The following BMP6 variants were observed in gnomAD, a reference collection of about 807,000 sequenced individuals.
The protein encoded by BMP6 is VG-1-R.
A neutral mutation model predicts 54.1 loss-of-function variants in BMP6; 17 were observed. The observed-to-expected ratio is 0.31, with a 90% CI of 0.22 to 0.47. The LOEUF (loss-of-function observed/expected upper bound fraction) is 0.47, where lower values mean the gene tolerates loss of function less well. Ranked by LOEUF, BMP6 falls within the 20% of genes least tolerant of loss-of-function variation. The probability of loss-of-function intolerance (pLI) is 1.00; values close to 1 mark genes in which losing one functional copy is unlikely to be tolerated. For synonymous variants in BMP6, 328 were observed against 291.2 expected, an observed-to-expected ratio of 1.13 and a Z score of -1.28; for missense variants, 720 against 690.4, an observed-to-expected ratio of 1.04 and a Z score of -0.48.
intron 4 of BMP6, among the ~76,000 whole-genome samples, chr6:7,869,776 G>A (rs915699310): frequency 6.6e-6 from 1 of 152,164 alleles, no homozygotes; most frequent in Admixed American, 6.5e-5. Flanking sequence ...CCAAGGCCTA[G>A]CAACTGAGAT....
chr6:7,850,713 G>A lies in BMP6; in HGVS notation c.857+5381G>A, dbSNP rs913293267. Among the ~76,000 whole-genome samples, 9 of 152,170 alleles carry A rather than the reference G, an allele frequency of 5.9e-5. No homozygotes were observed. In the South Asian group the frequency reaches 1.0e-3, roughly 17 times the overall value. On this transcript the variant is annotated intron_variant, in intron 2 of 6. Transcript: ENST00000283147. Reference sequence around the variant, plus strand: ...GTTCAGATTTGCACGTTTGAGTCATGGTATGAGTACCCGAGACGATGTGAG... The same window carrying A: ...GTTCAGATTTGCACGTTTGAGTCATAGTATGAGTACCCGAGACGATGTGAG...
intron 1 of BMP6, among the ~76,000 whole-genome samples, chr6:7,748,993 A>C (rs1375803290): frequency 6.6e-6 from 1 of 152,260 alleles, no homozygotes; most frequent in Admixed American, 6.5e-5. Context: ...AAGAGGAAAG[A>C]CCTGTAGTAC....
chr6:7,744,789 T>C (rs1265242785), intron 1 of BMP6, among the ~76,000 whole-genome samples: 1 of 152,188 alleles, frequency 6.6e-6, no homozygotes, highest in East Asian at 1.9e-4. Context: ...TCCCTTCCTT[T>C]CTGGGATGCC....
intron 1 of BMP6, among the ~76,000 whole-genome samples, chr6:7,816,401 A>G (rs1758526727): frequency 6.6e-6 from 1 of 152,228 alleles, no homozygotes; most frequent in South Asian, 2.1e-4. Context: ...GGTCATGCTC[A>G]TTGATAAGTG....
intron 2 of BMP6, among the ~76,000 whole-genome samples, chr6:7,858,899 A>G (rs1475625103): frequency 4.0e-5 from 6 of 151,406 alleles, no homozygotes; most frequent in Non-Finnish European, 8.8e-5. Context: ...GCACTTGTTG[A>G]CCTCACAAGC....
At position 7,881,644 on chromosome 6, in the gene BMP6, T is replaced by C. The variant is rs900304958; in HGVS notation, c.*1301T>C. ...GTTGTGTGTACAAGACTCTTGACAG[T>C]TGTGCTTCTCTAGGAGGTTGGGTTT... is the stretch of plus-strand genomic sequence containing the variant. On this transcript the variant is annotated 3_prime_UTR_variant, in exon 7 of 7. Transcript: ENST00000283147. 1 of 152,138 alleles carries C rather than the reference T, an allele frequency of 6.6e-6. No individual in the cohort carries two copies. The highest frequency in any genetic ancestry group is 2.4e-5 in the African/African-American group (1 of 41,412). The allele number at this position is 152,138 out of a possible 1,614,324, so 9.4% of individuals were successfully genotyped here.
At chr6:7,737,558 G>A (rs1390522436) in intron 1 of BMP6, among the ~76,000 whole-genome samples, 1 of 152,118 alleles carries the variant, frequency 6.6e-6, no homozygotes, top group Non-Finnish European at 1.5e-5. Context: ...ACCTGTCATC[G>A]TAGGATGATC....
In BMP6 at chr6:7,727,400, G is replaced by A. The variant is rs1394055203; in HGVS notation, c.445G>A (p.Glu149Lys). The A allele has an allele frequency of 1.2e-6, 2 of 1,607,188 alleles. No homozygotes were observed. The highest frequency in any genetic ancestry group is 1.7e-6 in the Non-Finnish European group (2 of 1,177,646). The change falls in exon 1 of 7, where the codon GAG becomes AAG. Residue 149 changes from glutamate (E) to lysine (K), a missense_variant. Glu to Lys is a moderately conservative substitution (Grantham distance 56, BLOSUM62 1). Around this residue, in one of 3 missense-constraint regions of BMP6, gnomAD observed 650 missense variants for 556.3 expected, o/e 1.17. Transcript: ENST00000283147. Reference sequence around the variant, plus strand: ...CAACGCCCTGTCCGCCGACAACGACGAGGACGGGGCGTCGGAGGGGGAGAG... The same window carrying A: ...CAACGCCCTGTCCGCCGACAACGACAAGGACGGGGCGTCGGAGGGGGAGAG... ...LYNALSADND[E>K]DGASEGERQQ...
At chr6:7,835,683 C>T (rs1420007205) in intron 1 of BMP6, among the ~76,000 whole-genome samples, 1 of 152,198 alleles carries the variant, frequency 6.6e-6, no homozygotes, top group East Asian at 1.9e-4. Context: ...ATTAATGGAA[C>T]TCTATCAAGG....
rs1163424341 is a variant in BMP6 at position 7,881,208 on chromosome 6, G to A, written c.*865G>A. On this transcript the variant is annotated 3_prime_UTR_variant, in exon 7 of 7. Transcript: ENST00000283147. ...TACAGCATACCACGCCACAGGGTTAGAACCAACGAAGAAAATAAAATGAGG... is the reference window on the plus strand; with the variant it reads ...TACAGCATACCACGCCACAGGGTTAAAACCAACGAAGAAAATAAAATGAGG... 1 of 152,534 alleles carries A rather than the reference G, an allele frequency of 6.6e-6. No homozygotes were observed. Among genetic ancestry groups the A allele is most frequent in the Non-Finnish European group, 1.5e-5 (1 of 68,034 alleles). The allele number at this position is 152,534 out of a possible 1,614,324, so 9.4% of individuals were successfully genotyped here.
intron 1 of BMP6, among the ~76,000 whole-genome samples, chr6:7,824,097 T>C (rs6913356): frequency 0.11 from 17,065 of 152,060 alleles, 1,085 homozygotes; most frequent in African/African-American, 0.16. Context: ...GTGTTAGTGG[T>C]GGAGGTGGTG....
intron 1 of BMP6, among the ~76,000 whole-genome samples, chr6:7,757,869 A>G (rs1232133885): frequency 6.6e-6 from 1 of 152,206 alleles, no homozygotes; most frequent in African/African-American, 2.4e-5. Flanking sequence ...CAGGGCAGTG[A>G]GAAAATTCCA....
Position 7,854,379 on chromosome 6 carries a change from CT to C in BMP6, c.858-7067del, listed in dbSNP as rs763299651. Among the ~76,000 whole-genome samples the C allele has an allele frequency of 1.1e-3, 169 of 151,480 alleles. 1 individual carries two copies. Among genetic ancestry groups the C allele is most frequent in the African/African-American group, 1.7e-3 (71 of 41,344 alleles). On this transcript the variant is annotated intron_variant, in intron 2 of 6. Coordinates refer to ENST00000283147, the MANE Select transcript of BMP6 (RefSeq NM_001718.6). Reference sequence around the variant, plus strand: ...TTTAAAAGATTACTTTGTAAAACATCTTTTTAAAAAAAAAAAATCAATAGCA... The same window carrying C: ...TTTAAAAGATTACTTTGTAAAACATCTTTTAAAAAAAAAAAATCAATAGCA...
intron 1 of BMP6, among the ~76,000 whole-genome samples, chr6:7,735,861 A>C (rs1312555190): frequency 6.6e-6 from 1 of 152,224 alleles, no homozygotes; most frequent in Admixed American, 6.5e-5. Flanking sequence ...CATGCCGAGG[A>C]GTTGTGAAAC....
At chr6:7,851,588 G>A (rs1176139369) in intron 2 of BMP6, among the ~76,000 whole-genome samples, 1 of 150,502 alleles carries the variant, frequency 6.6e-6, no homozygotes, top group Non-Finnish European at 1.5e-5. Flanking sequence ...TTGCTTTATT[G>A]TGCTGGCTGG....
chr6:7,728,432 A>C (rs1333417055), intron 1 of BMP6, among the ~76,000 whole-genome samples: 1 of 152,194 alleles, frequency 6.6e-6, no homozygotes, highest in African/African-American at 2.4e-5. Flanking sequence ...AACAGAATGG[A>C]AATTCACGGG....
At chr6:7,739,012 C>T (rs998034877) in intron 1 of BMP6, among the ~76,000 whole-genome samples, 1 of 152,170 alleles carries the variant, frequency 6.6e-6, no homozygotes, top group African/African-American at 2.4e-5. Flanking sequence ...GATCAGAGAA[C>T]CATGGGGTCA....
intron 1 of BMP6, among the ~76,000 whole-genome samples, chr6:7,731,867 T>C (rs1453667910): frequency 3.9e-5 from 6 of 152,206 alleles, no homozygotes; most frequent in African/African-American, 1.4e-4. Flanking sequence ...ATATCTGCAT[T>C]TCAGATTTCA....
intron 1 of BMP6, among the ~76,000 whole-genome samples, chr6:7,734,492 A>G (rs1449285610): frequency 6.6e-6 from 1 of 152,240 alleles, no homozygotes; most frequent in African/African-American, 2.4e-5. Context: ...AAAGCAGGCA[A>G]GAGCACAACC....
Sources: allele counts gnomAD v4.1 joint callset (sites outside exome capture counted in the v4.1 genomes callset), GRCh38; gene constraint gnomAD v4.1.1; regional missense constraint gnomAD v4.1.1; transcripts MANE v1.5; gene names NCBI Gene and HGNC (gene_info 2026-07-23, HGNC 2026-07-21).